SGCZ: variants seen among roughly 807,000 people sequenced by gnomAD.
SGCZ encodes the protein zeta-sarcoglycan.
SGCZ carries 40 observed loss-of-function variants against 41.3 expected under a neutral mutation model. That is an observed-to-expected ratio of 0.97 (90% CI 0.75 to 1.26). The LOEUF is 1.26. SGCZ is among the 50% of genes most tolerant of loss of function. The pLI is 0.00. For synonymous variants in SGCZ, 206 were observed against 137.5 expected (o/e 1.50, Z -3.49); for missense variants, 552 against 369.8 (o/e 1.49, Z -4.04).
intron 1 of SGCZ, among the ~76,000 whole-genome samples, chr8:14,719,536 G>A (rs1809810690): frequency 6.6e-6 from 1 of 151,886 alleles, no homozygotes; most frequent in African/African-American, 2.4e-5. Flanking sequence ...ACTTTTTAAT[G>A]ATTGTCATTC....
chr8:14,974,698 G>A (rs1253959657), intron 1 of SGCZ, among the ~76,000 whole-genome samples: 3 of 152,034 alleles, frequency 2.0e-5, no homozygotes, highest in Non-Finnish European at 2.9e-5. Context: ...AGAACTCTTC[G>A]TGCATGATTT....
chr8:15,035,155 A>T (rs1416185785), intron 1 of SGCZ, among the ~76,000 whole-genome samples: 1 of 152,090 alleles, frequency 6.6e-6, no homozygotes, highest in East Asian at 1.9e-4. Flanking sequence ...ATAACTTGCT[A>T]GGGGAAACAC....
intron 1 of SGCZ, among the ~76,000 whole-genome samples, chr8:15,113,194 G>T (rs1404811740): frequency 1.5e-5 from 2 of 137,070 alleles, no homozygotes; most frequent in Non-Finnish European, 3.1e-5. Context: ...GGGCAAGAGA[G>T]CGAGACCTGG....
chr8:14,653,135 C>A (rs1191636905), intron 1 of SGCZ, among the ~76,000 whole-genome samples: 1 of 152,000 alleles, frequency 6.6e-6, no homozygotes, highest in Non-Finnish European at 1.5e-5. Context: ...GAGGTACAGA[C>A]AGTCAGTAAC....
At chr8:14,577,773 AAT>A (rs1804759991) in intron 1 of SGCZ, among the ~76,000 whole-genome samples, 1 of 152,172 alleles carries the variant, frequency 6.6e-6, no homozygotes, top group African/African-American at 2.4e-5. Flanking sequence ...ATTTTATCTG[AAT>A]TTCGTGCATC....
At chr8:14,277,680 C>T (rs1800282661) in intron 3 of SGCZ, among the ~76,000 whole-genome samples, 1 of 152,056 alleles carries the variant, frequency 6.6e-6, no homozygotes, top group Non-Finnish European at 1.5e-5. Context: ...ATGCTGAGCA[C>T]CTTGAATTAA....
intron 1 of SGCZ, among the ~76,000 whole-genome samples, chr8:15,165,753 T>C (rs577598947): frequency 2.6e-5 from 4 of 152,286 alleles, no homozygotes; most frequent in East Asian, 3.9e-4. Context: ...TTAAAGTATT[T>C]TGAGTTAGGA....
intron 2 of SGCZ, among the ~76,000 whole-genome samples, chr8:14,459,547 C>T (rs62499710): frequency 6.6e-6 from 1 of 152,008 alleles, no homozygotes; most frequent in Non-Finnish European, 1.5e-5. Context: ...TGTGAGTAAA[C>T]AGAAGTTTGA....
At chr8:14,349,590 G>T (rs1048027949) in intron 2 of SGCZ, among the ~76,000 whole-genome samples, 1 of 152,100 alleles carries the variant, frequency 6.6e-6, no homozygotes, top group South Asian at 2.1e-4. Flanking sequence ...AAGACTCTGA[G>T]ATCCTAGTGG....
chr8:14,100,492 G>A (rs1270244234), intron 7 of SGCZ, among the ~76,000 whole-genome samples: 2 of 148,166 alleles, frequency 1.3e-5, no homozygotes, highest in East Asian at 3.9e-4. Context: ...AACTGTAGTG[G>A]AAAGAAATCC....
intron 1 of SGCZ, among the ~76,000 whole-genome samples, chr8:14,928,442 C>T (rs534459697): frequency 1.3e-5 from 2 of 152,126 alleles, no homozygotes; most frequent in Admixed American, 6.5e-5. Context: ...CTATAAAACG[C>T]GATGACAATA....
intron 4 of SGCZ, among the ~76,000 whole-genome samples, chr8:14,172,427 AC>A (rs1360630255): frequency 6.6e-6 from 1 of 152,046 alleles, no homozygotes; most frequent in Non-Finnish European, 1.5e-5. Flanking sequence ...CTGTTTTTAG[AC>A]ATGCAGGAAT....
At chr8:14,773,866 A>G (rs1800320187) in intron 1 of SGCZ, among the ~76,000 whole-genome samples, 1 of 152,212 alleles carries the variant, frequency 6.6e-6, no homozygotes, top group African/African-American at 2.4e-5. Context: ...TGGTAGACCT[A>G]TGACTGGAGA....
intron 2 of SGCZ, among the ~76,000 whole-genome samples, chr8:14,383,078 C>G (rs1460054448): frequency 6.6e-6 from 1 of 152,166 alleles, no homozygotes; most frequent in African/African-American, 2.4e-5. Flanking sequence ...TGTCCCCAAT[C>G]ATAAGAAGAA....
chr8:14,562,711 A>C (rs1804242620), intron 1 of SGCZ, among the ~76,000 whole-genome samples: 1 of 152,316 alleles, frequency 6.6e-6, no homozygotes, highest in African/African-American at 2.4e-5. Context: ...TGAGAGATAA[A>C]GAAAATCCAA....
chr8:15,200,365 C>T (rs981239300), intron 1 of SGCZ, among the ~76,000 whole-genome samples: 1 of 152,162 alleles, frequency 6.6e-6, no homozygotes, highest in African/African-American at 2.4e-5. Flanking sequence ...GGTTTTCCAT[C>T]ATGTTCCAGG....
At chr8:14,586,131 CGTT>C (rs1424644646) in intron 1 of SGCZ, among the ~76,000 whole-genome samples, 2 of 152,150 alleles carry the variant, frequency 1.3e-5, no homozygotes, top group Non-Finnish European at 2.9e-5. Context: ...TCATAATCAT[CGTT>C]GTCTTAGATT....
chr8:15,062,410 T>C (rs118065057), intron 1 of SGCZ, among the ~76,000 whole-genome samples: 5,967 of 152,208 alleles, frequency 0.039, 147 homozygotes, highest in Non-Finnish European at 0.057. Context: ...TAGGTTTTCG[T>C]CTGTCTGTAC....
At chr8:14,923,811 C>A (rs1799663608) in intron 1 of SGCZ, among the ~76,000 whole-genome samples, 1 of 152,116 alleles carries the variant, frequency 6.6e-6, no homozygotes, top group South Asian at 2.1e-4. Flanking sequence ...GGTGATTCTG[C>A]TACAAGCACA....
Sources: gnomAD v4.1 joint callset for allele counts (sites outside exome capture counted in the v4.1 genomes callset) on GRCh38, gnomAD v4.1.1 for gene constraint, MANE v1.5 for transcripts, NCBI Gene and HGNC (gene_info 2026-07-23, HGNC 2026-07-21) for gene names.